The following PHF2 variants were observed in gnomAD, a reference collection of about 807,000 sequenced individuals.
The protein encoded by PHF2 is lysine-specific demethylase PHF2.
A neutral mutation model predicts 120.5 loss-of-function variants in PHF2; 27 were observed. That is an observed-to-expected ratio of 0.22 (90% CI 0.17 to 0.31). The LOEUF is 0.31. Ranked by LOEUF, PHF2 falls within the 10% of genes least tolerant of loss-of-function variation. PHF2 has a pLI of 1.00. For synonymous variants in PHF2, 568 were observed against 592.5 expected (o/e 0.96, Z 0.60); for missense variants, 1,024 against 1,434.8 (o/e 0.71, Z 4.63).
chr9:93,644,575 C>G (rs1295627414), intron 3 of PHF2, among the ~76,000 whole-genome samples: 4 of 152,086 alleles, frequency 2.6e-5, no homozygotes, highest in Non-Finnish European at 4.4e-5. Flanking sequence ...CCCTGTCTTG[C>G]AGGGTGCTCT....
At chr9:93,592,300 G>T (rs867764520) in intron 1 of PHF2, among the ~76,000 whole-genome samples, 1 of 152,168 alleles carries the variant, frequency 6.6e-6, no homozygotes, top group African/African-American at 2.4e-5. Flanking sequence ...TGGGAGCAGC[G>T]GGGTGATCCC....
At chr9:93,651,683 A>AT in intron 5 of PHF2, among the ~76,000 whole-genome samples, 1 of 152,286 alleles carries the variant, frequency 6.6e-6, no homozygotes, top group Non-Finnish European at 1.5e-5. Flanking sequence ...CTGGTAATTC[A>AT]GATACATGTC....
chr9:93,639,943 C>G (rs757385183), intron 3 of PHF2, among the ~76,000 whole-genome samples: 2 of 152,214 alleles, frequency 1.3e-5, no homozygotes, highest in Non-Finnish European at 1.5e-5. Context: ...ATATCACAGA[C>G]TGTTCTTACT....
chr9:93,594,670 G>A (rs562437124), intron 1 of PHF2, among the ~76,000 whole-genome samples: 9 of 152,150 alleles, frequency 5.9e-5, no homozygotes, highest in Non-Finnish European at 1.2e-4. Context: ...AGCATGAGTG[G>A]GAGAGCACAT....
chr9:93,673,692 A>G lies in PHF2; in HGVS notation c.2456A>G (p.Gln819Arg). The G allele has an allele frequency of 6.2e-7, 1 of 1,613,148 alleles. No individual in the cohort carries two copies. The highest frequency in any genetic ancestry group is 8.5e-7 in the Non-Finnish European group (1 of 1,179,708). The change falls in exon 18 of 22, where the codon CAG (glutamine) becomes CGG (arginine). Residue 819 changes from glutamine to arginine, a missense_variant. Gln to Arg is a conservative substitution (Grantham distance 43). Coordinates refer to ENST00000359246, the MANE Select transcript of PHF2 (RefSeq NM_005392.4). ...CTGCAGACCACGTGGGGAGCTGGCCAGGCCAAGGGGAGCTCGCTGGCTGCC... is the reference window on the plus strand; with the variant it reads ...CTGCAGACCACGTGGGGAGCTGGCCGGGCCAAGGGGAGCTCGCTGGCTGCC... ...SCLQTTWGAGQAKGSSLAAHG... is the reference protein window; with the variant it reads ...SCLQTTWGAGRAKGSSLAAHG...
At chr9:93,618,846 G>GTGGTGTGTGTTGTGTGTT (rs1825773152) in intron 1 of PHF2, among the ~76,000 whole-genome samples, 2 of 132,300 alleles carry the variant, frequency 1.5e-5, no homozygotes, top group Admixed American at 7.9e-5. Context: ...GTGTGTGTGT[G>GTGGTGTGTGTTGTGTGTT]TGCCTGTGTG....
Position 93,673,822 on chromosome 9 carries a change from G to T in PHF2, c.2586G>T (p.Glu862Asp), listed in dbSNP as rs868155741. 6.2e-7 allele frequency: 1 copy of T among 1,607,776 alleles called. No individual in the cohort carries two copies. Among genetic ancestry groups the T allele is most frequent in the African/African-American group, 1.3e-5 (1 of 74,838 alleles). The part of the protein sequence containing the change: ...NSVDLDDYEE[E>D]QDHLDACFKD... ...TCGACCTGGACGACTACGAGGAAGA[G>T]CAGGACCACCTGGATGCCTGCTTCA... Residue 862 changes from glutamate (E) to aspartate (D), a missense_variant, in exon 18 of 22, where the codon GAG becomes GAT. Physicochemically the swap from Glu to Asp is conservative, Grantham distance 45. Coordinates refer to ENST00000359246, the MANE Select transcript of PHF2 (RefSeq NM_005392.4).
chr9:93,635,783 T>TGTGTA (rs1826079849), intron 2 of PHF2, among the ~76,000 whole-genome samples: 3 of 151,974 alleles, frequency 2.0e-5, no homozygotes, highest in South Asian at 4.1e-4. Flanking sequence ...GTCCAAGGTG[T>TGTGTA]GTGTACCTCG....
intron 1 of PHF2, among the ~76,000 whole-genome samples, chr9:93,578,365 A>G (rs1229226269): frequency 3.3e-5 from 5 of 152,224 alleles, no homozygotes; most frequent in Middle Eastern, 6.3e-3. Flanking sequence ...CACACCCTCA[A>G]CTGGCAGCCG....
chr9:93,585,467 G>C (rs1000851), intron 1 of PHF2, among the ~76,000 whole-genome samples: 53,363 of 152,266 alleles, frequency 0.35, 9,962 homozygotes, highest in South Asian at 0.63. Context: ...GCTCTGTGTG[G>C]GCAGCACGTG....
chr9:93,636,366 G>A (rs1443550266), intron 2 of PHF2, 45 bp from the exon 3 acceptor site: 2 of 1,466,678 alleles, frequency 1.4e-6, no homozygotes, highest in African/African-American at 2.8e-5. Context: ...GAGCCCTGCT[G>A]GGGCTGCGCT....
chr9:93,632,296 G>T (rs188989296), intron 2 of PHF2, among the ~76,000 whole-genome samples: 3 of 151,848 alleles, frequency 2.0e-5, no homozygotes, highest in African/African-American at 7.3e-5. Flanking sequence ...TGCAGATGGT[G>T]GGACCCCCAG....
intron 17 of PHF2, among the ~76,000 whole-genome samples, chr9:93,672,263 G>T (rs1163510894): frequency 6.7e-6 from 1 of 150,064 alleles, no homozygotes; most frequent in Non-Finnish European, 1.5e-5. Context: ...TGTAGATGCA[G>T]GTGTGGGTGT....
At chr9:93,665,573 C>A in intron 14 of PHF2, 113 bp from the exon 15 acceptor site, 1 of 1,144,808 alleles carries the variant, frequency 8.7e-7, no homozygotes, top group Non-Finnish European at 1.2e-6. Context: ...ACGTCACCTG[C>A]CTCCTGGAGG....
At chr9:93,584,506 C>G (rs982407381) in intron 1 of PHF2, among the ~76,000 whole-genome samples, 4 of 152,170 alleles carry the variant, frequency 2.6e-5, no homozygotes, top group African/African-American at 7.2e-5. Flanking sequence ...ACTATTCTTT[C>G]TCCGTTGAAT....
At chr9:93,644,890 C>T (rs967788301) in intron 3 of PHF2, among the ~76,000 whole-genome samples, 4 of 152,164 alleles carry the variant, frequency 2.6e-5, no homozygotes, top group South Asian at 2.1e-4. Flanking sequence ...GGGCCCCTCT[C>T]GTCTGCCTCT....
At chr9:93,580,323 G>C in intron 1 of PHF2, among the ~76,000 whole-genome samples, 1 of 152,212 alleles carries the variant, frequency 6.6e-6, no homozygotes, top group East Asian at 1.9e-4. Flanking sequence ...GCCTTCGGAG[G>C]TGTCTTGTCT....
chr9:93,644,253 G>A (rs1826216089), intron 3 of PHF2, among the ~76,000 whole-genome samples: 1 of 152,102 alleles, frequency 6.6e-6, no homozygotes, highest in African/African-American at 2.4e-5. Flanking sequence ...AGGCATGGTG[G>A]CACATGCCTG....
In PHF2 at chr9:93,660,206, C is replaced by T. The variant is rs754477883; in HGVS notation, c.1344C>T (p.Ala448=). 22 of 1,565,426 alleles carry T rather than the reference C, an allele frequency of 1.4e-5. 1 individual carries two copies. The highest frequency in any genetic ancestry group is 1.3e-4 in the South Asian group (11 of 82,364). The change falls in exon 12 of 22, where the codon GCC becomes GCT. Residue 448 remains alanine (A), a synonymous_variant. Transcript: ENST00000359246. ...EIRLSENASK[A]VRPEVNTVAS... ...CTGTATCCCAGAATGCCTCCAAAGC[C>T]GTCCGACCGGAAGTGAATACTGTCG... is the stretch of plus-strand genomic sequence containing the variant.
Sources: allele counts gnomAD v4.1 joint callset (sites outside exome capture counted in the v4.1 genomes callset), GRCh38; gene constraint gnomAD v4.1.1; transcripts MANE v1.5; gene names NCBI Gene and HGNC (gene_info 2026-07-23, HGNC 2026-07-21).